The following LSAMP variants were observed in gnomAD, a reference collection of about 807,000 sequenced individuals.
LSAMP encodes the protein limbic system-associated membrane protein.
A neutral mutation model predicts 38.6 loss-of-function variants in LSAMP; 7 were observed. That is an observed-to-expected ratio of 0.18 (90% confidence interval 0.10 to 0.34). The LOEUF is 0.34. Among genes scored for constraint, LSAMP ranks in the 10% least tolerant of loss-of-function variants. LSAMP has a pLI of 1.00. For synonymous variants in LSAMP, 154 were observed against 166.8 expected (o/e 0.92, Z 0.59); for missense variants, 313 against 420.0 (o/e 0.75, Z 2.23).
At position 115,805,964 on chromosome 3, in the gene LSAMP, G is replaced by T. The variant is rs948270038; in HGVS notation, c.*4353C>A. 7 of 152,120 alleles carry T rather than the reference G, an allele frequency of 4.6e-5. No individual in the cohort carries two copies. Among genetic ancestry groups the T allele is most frequent in the African/African-American group, 1.7e-4 (7 of 41,416 alleles). 9.4% of individuals were successfully genotyped at this position (152,120 alleles called of 1,614,324 possible). On this transcript the variant is annotated 3_prime_UTR_variant, in exon 7 of 7. Coordinates refer to ENST00000490035, the MANE Select transcript of LSAMP (RefSeq NM_002338.5). Reference sequence around the variant, plus strand: ...TCTTATCTCACCATTTTTGTGGTGTGTTTCACATTTGTCTTCAAAATATTA... The same window carrying T: ...TCTTATCTCACCATTTTTGTGGTGTTTTTCACATTTGTCTTCAAAATATTA...
intron 1 of LSAMP, among the ~76,000 whole-genome samples, chr3:116,438,551 T>C (rs2049387350): frequency 6.6e-6 from 1 of 152,254 alleles, no homozygotes; most frequent in South Asian, 2.1e-4. Context: ...TATATAAAAT[T>C]GAGATGAATT....
intron 1 of LSAMP, among the ~76,000 whole-genome samples, chr3:116,103,464 CAAAAAAAAAA>C (rs59732794): frequency 2.3e-5 from 1 of 42,830 alleles, no homozygotes; most frequent in Non-Finnish European, 5.2e-5. Flanking sequence ...GACTCCTTCT[CAAAAAAAAAA>C]AAAAAAAAAA....
At chr3:115,982,931 C>CTT (rs11386123) in intron 3 of LSAMP, among the ~76,000 whole-genome samples, 5,955 of 136,218 alleles carry the variant, frequency 0.044, 207 homozygotes, top group Middle Eastern at 0.1. Flanking sequence ...CCTATGGAGA[C>CTT]TTTTTTTTTT....
intron 1 of LSAMP, among the ~76,000 whole-genome samples, chr3:116,131,281 T>A (rs368060817): frequency 5.0e-4 from 76 of 152,034 alleles, no homozygotes; most frequent in South Asian, 1.0e-3. Flanking sequence ...GTGAGCCACC[T>A]CGCCCGGCCT....
At chr3:116,270,721 G>A (rs1243222558) in intron 1 of LSAMP, among the ~76,000 whole-genome samples, 1 of 152,024 alleles carries the variant, frequency 6.6e-6, no homozygotes, top group African/African-American at 2.4e-5. Context: ...TTTTCTAAGG[G>A]CTCCCTGTTT....
At chr3:115,948,810 A>T (rs1938189457) in intron 3 of LSAMP, among the ~76,000 whole-genome samples, 1 of 152,184 alleles carries the variant, frequency 6.6e-6, no homozygotes, top group Non-Finnish European at 1.5e-5. Context: ...TTAAAACAAC[A>T]ACAATACCAA....
chr3:115,870,744 A>G (rs529234538), intron 3 of LSAMP, among the ~76,000 whole-genome samples: 1 of 152,282 alleles, frequency 6.6e-6, no homozygotes, highest in Admixed American at 6.5e-5. Context: ...TGCTGGTATG[A>G]ACTGAACTAT....
chr3:116,287,071 G>A (rs1307746921), intron 1 of LSAMP, among the ~76,000 whole-genome samples: 2 of 152,168 alleles, frequency 1.3e-5, no homozygotes, highest in African/African-American at 4.8e-5. Flanking sequence ...GCAAGAATTG[G>A]ATGAAGTTGG....
chr3:116,022,405 A>G (rs1191543130), intron 2 of LSAMP, among the ~76,000 whole-genome samples: 4 of 151,956 alleles, frequency 2.6e-5, no homozygotes, highest in African/African-American at 4.8e-5. Context: ...CCACACCTCA[A>G]CCTTCAGTGC....
At chr3:115,843,525 T>C (rs1935064628) in intron 4 of LSAMP, among the ~76,000 whole-genome samples, 1 of 152,140 alleles carries the variant, frequency 6.6e-6, no homozygotes, top group Admixed American at 6.5e-5. Context: ...TGCCAGAAAA[T>C]GGCAACTTGG....
At position 116,092,144 on chromosome 3, in the gene LSAMP, G is replaced by C. The variant is rs144409761; in HGVS notation, c.156-5588C>G. Among the ~76,000 whole-genome samples, 1,317 of 152,054 alleles carry C rather than the reference G, an allele frequency of 8.7e-3. 18 individuals carry two copies. Among genetic ancestry groups the C allele is most frequent in the African/African-American group, 0.028 (1,174 of 41,488 alleles). On this transcript the variant is annotated intron_variant, in intron 1 of 6. Coordinates refer to ENST00000490035, the MANE Select transcript of LSAMP (RefSeq NM_002338.5). ...TGCTGAAATGTGGAATAAACAAGCTGAATTTAATTTAACAAATTGCATTAG... is the reference window on the plus strand; with the variant it reads ...TGCTGAAATGTGGAATAAACAAGCTCAATTTAATTTAACAAATTGCATTAG...
rs1334348054 is a variant in LSAMP, at chr3:116,430,642, C to G, written c.155+14235G>C. Among the ~76,000 whole-genome samples, 17 of 151,864 alleles carry G rather than the reference C, an allele frequency of 1.1e-4. 1 individual carries two copies. The highest frequency in any genetic ancestry group is 1.1e-3 in the Admixed American group (17 of 15,238). ...AATATAATTATAGATACTTCTAATT[C>G]CTTCTTATAATGAACTTCTTAGGTG... On this transcript the variant is annotated intron_variant, in intron 1 of 6. Transcript: ENST00000490035.
At chr3:116,344,046 A>G (rs1356039558) in intron 1 of LSAMP, among the ~76,000 whole-genome samples, 1 of 152,170 alleles carries the variant, frequency 6.6e-6, no homozygotes, top group Non-Finnish European at 1.5e-5. Flanking sequence ...AAGGAATTAA[A>G]CTATAGAGTA....
Position 116,175,140 on chromosome 3 carries a change from T to C in LSAMP, c.156-88584A>G, listed in dbSNP as rs182038534. Among the ~76,000 whole-genome samples the C allele has an allele frequency of 1.7e-4, 22 of 125,892 alleles. No homozygotes were observed. In the East Asian group the frequency reaches 5.8e-3, roughly 33 times the overall value. 82.6% of individuals were successfully genotyped at this position (125,892 alleles called of 152,430 possible). On this transcript the variant is annotated intron_variant, in intron 1 of 6. Coordinates refer to ENST00000490035, the MANE Select transcript of LSAMP (RefSeq NM_002338.5). ...ACTCATCCTGAGACAGCTAGGTTTATTGTTCTTTAGTTATTTTTTTAGGTT... is the reference window on the plus strand; with the variant it reads ...ACTCATCCTGAGACAGCTAGGTTTACTGTTCTTTAGTTATTTTTTTAGGTT...
chr3:115,998,291 TATG>T (rs1939886510), intron 3 of LSAMP, among the ~76,000 whole-genome samples: 1 of 151,958 alleles, frequency 6.6e-6, no homozygotes, highest in Non-Finnish European at 1.5e-5. Flanking sequence ...AAGGGGTAAA[TATG>T]ATCTGATTTA....
chr3:115,983,623 T>A (rs1427257648), intron 3 of LSAMP, among the ~76,000 whole-genome samples: 2 of 152,304 alleles, frequency 1.3e-5, no homozygotes, highest in East Asian at 3.9e-4. Context: ...AATCACACAT[T>A]GAGCCAACAA....
chr3:116,277,764 C>T (rs1205088435), intron 1 of LSAMP, among the ~76,000 whole-genome samples: 2 of 152,116 alleles, frequency 1.3e-5, no homozygotes, highest in Non-Finnish European at 2.9e-5. Context: ...TAACGGTTAC[C>T]TGTTGTAAAG....
chr3:116,313,996 A>T (rs1450526747), intron 1 of LSAMP, among the ~76,000 whole-genome samples: 1 of 152,232 alleles, frequency 6.6e-6, no homozygotes, highest in African/African-American at 2.4e-5. Flanking sequence ...TCTTGTGTGA[A>T]GCACTTTCCC....
intron 1 of LSAMP, among the ~76,000 whole-genome samples, chr3:116,354,005 T>C (rs1463867730): frequency 2.0e-5 from 3 of 152,148 alleles, no homozygotes; most frequent in Non-Finnish European, 4.4e-5. Flanking sequence ...CTAATAGAGT[T>C]TGACTGAAGA....
Sources: allele counts gnomAD v4.1 joint callset (sites outside exome capture counted in the v4.1 genomes callset), GRCh38; gene constraint gnomAD v4.1.1; transcripts MANE v1.5; gene names NCBI Gene and HGNC (gene_info 2026-07-23, HGNC 2026-07-21).